The following TDRKH variants were observed in gnomAD, a reference collection of about 807,000 sequenced individuals.
TDRKH encodes tudor and KH domain-containing protein.
In TDRKH, 28 loss-of-function variants were observed where a neutral mutation model predicts 61.3. The observed-to-expected ratio is 0.46, with a 90% CI of 0.34 to 0.63. The LOEUF (loss-of-function observed/expected upper bound fraction) is 0.63. Among genes scored for constraint, TDRKH ranks in the 20% least tolerant of loss-of-function variants. TDRKH has a pLI of 0.01. For missense variants in TDRKH, 540 were observed against 683.4 expected (o/e 0.79, Z 2.34); for synonymous variants, 219 against 244.4 (o/e 0.90, Z 0.97).
intron 6 of TDRKH, among the ~76,000 whole-genome samples, chr1:151,777,263 G>A (rs1451090707): frequency 1.3e-5 from 2 of 152,044 alleles, no homozygotes; most frequent in African/African-American, 4.8e-5. Context: ...TGTCCAACAT[G>A]GTGAAACCCC....
chr1:151,778,622 C>T, intron 6 of TDRKH, 63 bp downstream of exon 6: 2 of 1,603,550 alleles, frequency 1.2e-6, no homozygotes, highest in Admixed American at 1.7e-5. Context: ...CTTCTAATCT[C>T]TCCAATATCT....
At chr1:151,767,521 G>A, downstream of TDRKH, 2 of 978,548 alleles carry the variant, frequency 2.0e-6, no homozygotes, top group Non-Finnish European at 2.8e-6. Context: ...AAAAGAGGGA[G>A]TGGGGACAAA....
chr1:151,776,267 G>C lies in TDRKH; in HGVS notation c.1046C>G (p.Pro349Arg). The C allele has an allele frequency of 6.2e-7, 1 of 1,613,432 alleles. No homozygotes were observed. The highest frequency in any genetic ancestry group is 8.5e-7 in the Non-Finnish European group (1 of 1,179,552). ...EMTQHYENSV[P>R]EDLTVHVGDI... Reference sequence around the variant, plus strand: ...TCCTACATGCACAGTCAAGTCTTCAGGCTGTATGTGGGGAGGAGGAGAAAG... The same window carrying C: ...TCCTACATGCACAGTCAAGTCTTCACGCTGTATGTGGGGAGGAGGAGAAAG... The change falls in exon 8 of 13, where the codon CCT becomes CGT. Residue 349 changes from proline (P) to arginine (R), a missense_variant and splice_region_variant. Physicochemically the swap from Pro to Arg is moderately radical, Grantham distance 103. Coordinates refer to ENST00000368824, the MANE Select transcript of TDRKH (RefSeq NM_001083965.2).
chr1:151,779,368 A>G (rs925255696), intron 4 of TDRKH, 126 bp from the exon 5 acceptor site: 5 of 1,266,894 alleles, frequency 3.9e-6, no homozygotes, highest in Middle Eastern at 2.7e-4. Context: ...AACAAAATAC[A>G]AGATGTTGAA....
chr1:151,781,791 C>A, intron 2 of TDRKH: 1 of 550,678 alleles, frequency 1.8e-6, no homozygotes, highest in Non-Finnish European at 3.3e-6. Flanking sequence ...TTCTCTGGGA[C>A]ACTGTTTCAG....
downstream of TDRKH, chr1:151,770,215 G>T: frequency 6.2e-7 from 1 of 1,613,928 alleles, no homozygotes. Flanking sequence ...GACAAATGTG[G>T]ACTCTGTGTT....
chr1:151,784,477 C>G (rs1650133314), intron 1 of TDRKH, among the ~76,000 whole-genome samples: 1 of 152,218 alleles, frequency 6.6e-6, no homozygotes, highest in Non-Finnish European at 1.5e-5. Flanking sequence ...CCAATGATTT[C>G]ATACTGCTCA....
chr1:151,771,558 C>G (rs1648705291), downstream of TDRKH: 1 of 345,460 alleles, frequency 2.9e-6, no homozygotes, highest in Middle Eastern at 7.5e-4. Flanking sequence ...TTCAGAAAGA[C>G]TGAGCTTTGT....
At chr1:151,784,312 GACAA>G (rs1650112628) in intron 1 of TDRKH, among the ~76,000 whole-genome samples, 1 of 152,204 alleles carries the variant, frequency 6.6e-6, no homozygotes, top group African/African-American at 2.4e-5. Flanking sequence ...CCCATCAGCA[GACAA>G]ACATTCTCTG....
At chr1:151,779,903 C>T in intron 4 of TDRKH, 48 bp downstream of exon 4, 1 of 1,533,402 alleles carries the variant, frequency 6.5e-7, no homozygotes, top group Non-Finnish European at 8.8e-7. Flanking sequence ...GAAAGAGGGG[C>T]AAAGGTAAAG....
chr1:151,767,043 C>A, downstream of TDRKH: 1 of 1,464,052 alleles, frequency 6.8e-7, no homozygotes, highest in Non-Finnish European at 9.3e-7. Flanking sequence ...TGGTTGGGCC[C>A]AGGAACATAG....
Position 151,781,484 on chromosome 1 carries a change from T to C in TDRKH, c.228A>G (p.Lys76=). 6.2e-7 allele frequency: 1 copy of C among 1,613,356 alleles called. No individual in the cohort carries two copies. Among genetic ancestry groups the C allele is most frequent in the South Asian group, 1.1e-5 (1 of 91,034 alleles). The change falls in exon 3 of 13, where the codon AAA becomes AAG. Residue 76 remains lysine (K), a synonymous_variant. Coordinates refer to ENST00000368824, the MANE Select transcript of TDRKH (RefSeq NM_001083965.2). ...LIIGRQGANI[K]QLRKQTGARI... ...GACTGCCTACTCACACACTTACCTG[T>C]TTAATATTGGCTCCTTGCCGGCCAA...
At chr1:151,780,800 A>G (rs4240870) in intron 3 of TDRKH, among the ~76,000 whole-genome samples, 60,916 of 149,386 alleles carry the variant, frequency 0.41, 13,494 homozygotes, top group Non-Finnish European at 0.51. Flanking sequence ...CAGTGAGCCA[A>G]GATCATGCCA....
intron 2 of TDRKH, chr1:151,781,865 T>G (rs1461971420): frequency 2.2e-6 from 1 of 446,706 alleles, no homozygotes; most frequent in East Asian, 5.2e-5. Context: ...AAACTACTTC[T>G]CCCAAGACAT....
chr1:151,766,963 C>A, downstream of TDRKH: 1 of 1,437,444 alleles, frequency 7.0e-7, no homozygotes, highest in Non-Finnish European at 9.6e-7. Context: ...GAAAGAATTT[C>A]CCAAATGGCA....
chr1:151,767,159 C>G (rs1648394436), downstream of TDRKH: 1 of 1,613,766 alleles, frequency 6.2e-7, no homozygotes, highest in Non-Finnish European at 8.5e-7. Context: ...TCTTTCCCAA[C>G]CAGCATCACT....
downstream of TDRKH, among the ~76,000 whole-genome samples, chr1:151,768,541 GA>G: frequency 6.6e-6 from 1 of 152,304 alleles, no homozygotes; most frequent in South Asian, 2.1e-4. Flanking sequence ...TGGCTTCCAA[GA>G]AAAATCTACC....
At chr1:151,777,083 G>A (rs1248931837) in intron 6 of TDRKH, among the ~76,000 whole-genome samples, 2 of 152,188 alleles carry the variant, frequency 1.3e-5, no homozygotes, top group Non-Finnish European at 2.9e-5. Context: ...CTTTTCAATA[G>A]TGATGATTTT....
intron 8 of TDRKH, 86 bp from the exon 9 acceptor site, chr1:151,775,970 A>G: frequency 6.3e-7 from 1 of 1,578,248 alleles, no homozygotes; most frequent in Non-Finnish European, 8.7e-7. Context: ...AACTAACATG[A>G]GACGATAACC....
Sources: allele counts gnomAD v4.1 joint callset (sites outside exome capture counted in the v4.1 genomes callset), GRCh38; gene constraint gnomAD v4.1.1; transcripts MANE v1.5; gene names NCBI Gene and HGNC (gene_info 2026-07-23, HGNC 2026-07-21).